CREB5: variants seen among roughly 807,000 people sequenced by gnomAD.
The protein encoded by CREB5 is cAMP responsive element binding protein 5, also known as cyclic AMP-responsive element-binding protein 5.
In CREB5, 19 loss-of-function variants were observed where a neutral mutation model predicts 57.1. The observed-to-expected ratio is 0.33, with a 90% CI of 0.23 to 0.49. The LOEUF is 0.49. CREB5 is among the 20% of genes least tolerant of loss of function. CREB5 has a pLI of 0.99. For synonymous variants in CREB5, 238 were observed against 238.3 expected, an observed-to-expected ratio of 1.00 and a Z score of 0.01; for missense variants, 579 against 671.6, an observed-to-expected ratio of 0.86 and a Z score of 1.52.
intron 2 of CREB5, among the ~76,000 whole-genome samples, chr7:28,493,958 T>C (rs887457150): frequency 6.6e-6 from 1 of 152,252 alleles, no homozygotes; most frequent in African/African-American, 2.4e-5. Context: ...ATTTCACAGT[T>C]ACATTTGTAG....
intron 1 of CREB5, among the ~76,000 whole-genome samples, chr7:28,423,090 C>A (rs755998614): frequency 2.0e-5 from 3 of 152,106 alleles, no homozygotes; most frequent in African/African-American, 7.2e-5. Flanking sequence ...TCCCTTCTTC[C>A]TTTTCTCCTG....
At chr7:28,686,136 C>G in intron 5 of CREB5, 1 of 1,613,672 alleles carries the variant, frequency 6.2e-7, no homozygotes, top group Non-Finnish European at 8.5e-7. Flanking sequence ...TACACACACT[C>G]ATTCCAGAGC....
rs116506719 is a variant in CREB5, at chr7:28,635,105, A to G, written c.464+64568A>G. On this transcript the variant is annotated intron_variant, in intron 5 of 10. Coordinates refer to ENST00000357727, the MANE Select transcript of CREB5 (RefSeq NM_182898.4). Reference sequence around the variant, plus strand: ...TTCTTTTGATAGAATTATGTCCCATACCACTTCTAGTTAGTAGAGAAGCTA... The same window carrying G: ...TTCTTTTGATAGAATTATGTCCCATGCCACTTCTAGTTAGTAGAGAAGCTA... Among the ~76,000 whole-genome samples the G allele has an allele frequency of 4.1e-3, 625 of 152,290 alleles. 2 individuals carry two copies. Among genetic ancestry groups the G allele is most frequent in the African/African-American group, 0.014 (590 of 41,558 alleles).
chr7:28,548,063 T>C (rs749257460), intron 4 of CREB5, among the ~76,000 whole-genome samples: 1 of 152,188 alleles, frequency 6.6e-6, no homozygotes, highest in Non-Finnish European at 1.5e-5. Flanking sequence ...CTTCATTTAG[T>C]TCTTGATTGG....
intron 5 of CREB5, among the ~76,000 whole-genome samples, chr7:28,657,919 A>T (rs1436060751): frequency 6.6e-6 from 1 of 152,112 alleles, no homozygotes; most frequent in African/African-American, 2.4e-5. Flanking sequence ...TGTGTGTATA[A>T]ATCTCTTTGT....
At chr7:28,683,449 A>G (rs1800701061) in intron 5 of CREB5, among the ~76,000 whole-genome samples, 1 of 152,206 alleles carries the variant, frequency 6.6e-6, no homozygotes, top group South Asian at 2.1e-4. Context: ...AATTCAGGCC[A>G]GCACTCCAAA....
At chr7:28,701,229 A>C (rs565565215) in intron 5 of CREB5, among the ~76,000 whole-genome samples, 1 of 152,288 alleles carries the variant, frequency 6.6e-6, no homozygotes, top group South Asian at 2.1e-4. Flanking sequence ...CAGGGAAGAC[A>C]AGTCTAGTTT....
At chr7:28,712,134 A>G (rs914126862) in intron 5 of CREB5, among the ~76,000 whole-genome samples, 4 of 152,248 alleles carry the variant, frequency 2.6e-5, no homozygotes, top group Admixed American at 6.5e-5. Flanking sequence ...CACTTTACAC[A>G]TCACTCCATT....
At position 28,581,525 on chromosome 7, in the gene CREB5, G is replaced by A. The variant is rs373108117; in HGVS notation, c.464+10988G>A. On this transcript the variant is annotated intron_variant, in intron 5 of 10. Transcript: ENST00000357727. ...AGGCAGAGGCCTGCGGGTGCTTAAA[G>A]AGAATCACAAACGCCCTCAAGTATG... Among the ~76,000 whole-genome samples the A allele has an allele frequency of 2.8e-4, 43 of 152,352 alleles. No homozygotes were observed. In the East Asian group the frequency reaches 3.3e-3, roughly 12 times the overall value.
At chr7:28,700,515 A>T (rs1398682662) in intron 5 of CREB5, among the ~76,000 whole-genome samples, 1 of 152,186 alleles carries the variant, frequency 6.6e-6, no homozygotes, top group African/African-American at 2.4e-5. Flanking sequence ...TTTAACAACA[A>T]CAACAAAAAA....
At chr7:28,548,428 C>G (rs1000666868) in intron 4 of CREB5, among the ~76,000 whole-genome samples, 4 of 152,062 alleles carry the variant, frequency 2.6e-5, no homozygotes, top group Admixed American at 6.6e-5. Context: ...TCAGGCTTAC[C>G]CAGAAAATGA....
chr7:28,682,828 C>T (rs1032904897), intron 5 of CREB5, among the ~76,000 whole-genome samples: 2 of 152,200 alleles, frequency 1.3e-5, no homozygotes, highest in Admixed American at 6.5e-5. Context: ...CCCCTCCATC[C>T]CTGCAATCCA....
chr7:28,324,687 C>A (rs909232415), intron 1 of CREB5, among the ~76,000 whole-genome samples: 2 of 152,156 alleles, frequency 1.3e-5, no homozygotes, highest in African/African-American at 4.8e-5. Flanking sequence ...ATCTGCACAC[C>A]AATGACTCCC....
At chr7:28,490,396 A>G (rs1386989114) in intron 2 of CREB5, among the ~76,000 whole-genome samples, 2 of 152,246 alleles carry the variant, frequency 1.3e-5, no homozygotes, top group Non-Finnish European at 2.9e-5. Flanking sequence ...GACTCTCCAG[A>G]GACCCAGCAA....
intron 5 of CREB5, among the ~76,000 whole-genome samples, chr7:28,659,081 G>A (rs4719945): frequency 0.89 from 134,369 of 150,542 alleles, 60,206 homozygotes; most frequent in African/African-American, 0.93. Flanking sequence ...CAGAACACTG[G>A]CCAACTGACT....
At chr7:28,752,401 A>C (rs1478993111) in intron 7 of CREB5, among the ~76,000 whole-genome samples, 1 of 152,176 alleles carries the variant, frequency 6.6e-6, no homozygotes, top group Non-Finnish European at 1.5e-5. Context: ...TCCTGACCTC[A>C]AGTGGCCCAC....
intron 3 of CREB5, among the ~76,000 whole-genome samples, chr7:28,506,228 C>A (rs551123191): frequency 6.6e-6 from 1 of 152,300 alleles, no homozygotes; most frequent in East Asian, 1.9e-4. Flanking sequence ...TTCTTTGAAT[C>A]AGACAATTTA....
chr7:28,545,854 T>C (rs1161253686), intron 4 of CREB5, among the ~76,000 whole-genome samples: 1 of 152,234 alleles, frequency 6.6e-6, no homozygotes, highest in African/African-American at 2.4e-5. Flanking sequence ...TGTGCGTTTC[T>C]TGTGCTATTA....
chr7:28,631,856 A>T (rs1236068941), intron 5 of CREB5, among the ~76,000 whole-genome samples: 1 of 152,098 alleles, frequency 6.6e-6, no homozygotes, highest in Non-Finnish European at 1.5e-5. Context: ...GGCGCCAGGG[A>T]TGGTGTCTCG....
Sources: gnomAD v4.1 joint callset for allele counts (sites outside exome capture counted in the v4.1 genomes callset) on GRCh38, gnomAD v4.1.1 for gene constraint, MANE v1.5 for transcripts, NCBI Gene and HGNC (gene_info 2026-07-23, HGNC 2026-07-21) for gene names.